Variants in DEPTOR observed in about 807,000 individuals in gnomAD.
The protein encoded by DEPTOR is DEP domain-containing mTOR-interacting protein.
In DEPTOR, 41 loss-of-function variants were observed where a neutral mutation model predicts 41.6. The observed-to-expected ratio is 0.98, with a 90% CI of 0.77 to 1.28. The LOEUF (loss-of-function observed/expected upper bound fraction) is 1.28. Ranked by LOEUF, DEPTOR falls within the 50% of genes most tolerant of loss-of-function variation. The pLI, the probability that DEPTOR is intolerant of heterozygous loss-of-function variation, is 0.00. For missense variants in DEPTOR, 514 were observed against 527.9 expected, an observed-to-expected ratio of 0.97 and a Z score of 0.26; for synonymous variants, 195 against 192.3, an observed-to-expected ratio of 1.01 and a Z score of -0.12.
At chr8:119,943,087 C>T (rs981151531) in intron 3 of DEPTOR, among the ~76,000 whole-genome samples, 2 of 152,196 alleles carry the variant, frequency 1.3e-5, no homozygotes, top group Non-Finnish European at 2.9e-5. Flanking sequence ...GCTGTGTCCC[C>T]AAGAGGCTGA....
intron 3 of DEPTOR, among the ~76,000 whole-genome samples, chr8:119,953,801 C>CTTTTTTTTTTTTTT (rs35043841): frequency 8.4e-6 from 1 of 119,678 alleles, no homozygotes. Flanking sequence ...CAGATAGCTT[C>CTTTTTTTTTTTTTT]TTTTTTTTTT....
At chr8:120,000,515 T>TTGCCCAG (rs1812330608) in intron 4 of DEPTOR, among the ~76,000 whole-genome samples, 1 of 152,014 alleles carries the variant, frequency 6.6e-6, no homozygotes, top group Admixed American at 6.5e-5. Context: ...CAGGCTGGAG[T>TTGCCCAG]GCAGTGGTGC....
At chr8:120,006,451 G>A (rs886578581) in intron 6 of DEPTOR, among the ~76,000 whole-genome samples, 1 of 151,830 alleles carries the variant, frequency 6.6e-6, no homozygotes. Context: ...TTGAACCCAG[G>A]AGGCGGAGGT....
rs144341045 is a variant in DEPTOR at position 119,891,999 on chromosome 8, T to C, written c.122+18031T>C. On this transcript the variant is annotated intron_variant, in intron 1 of 8. Coordinates refer to ENST00000286234, the MANE Select transcript of DEPTOR (RefSeq NM_022783.4). Reference sequence around the variant, plus strand: ...ACCTTTGTTTTTTTGTTTTTTGTTTTGTTTTGTTTTGTTTTTTGAGACAGA... The same window carrying C: ...ACCTTTGTTTTTTTGTTTTTTGTTTCGTTTTGTTTTGTTTTTTGAGACAGA... Among the ~76,000 whole-genome samples, 1,073 of 152,234 alleles carry C rather than the reference T, an allele frequency of 7.0e-3. 10 individuals carry two copies. Among genetic ancestry groups the C allele is most frequent in the Non-Finnish European group, 0.012 (809 of 68,014 alleles).
In DEPTOR at chr8:119,883,424, G is replaced by A. The variant is rs187317182; in HGVS notation, c.122+9456G>A. Among the ~76,000 whole-genome samples the A allele has an allele frequency of 1.1e-4, 16 of 144,878 alleles. No individual in the cohort carries two copies. In the East Asian group the frequency reaches 2.8e-3, roughly 26 times the overall value. ...CGGGAGGTGGAGGTTGCAGTTAGCC[G>A]AGATCGCGCCACTGCACTCCAGCCT... is the stretch of plus-strand genomic sequence containing the variant. On this transcript the variant is annotated intron_variant, in intron 1 of 8. Transcript: ENST00000286234.
At chr8:120,006,730 T>G in intron 6 of DEPTOR, 75 bp from the exon 7 acceptor site, 1 of 1,334,516 alleles carries the variant, frequency 7.5e-7, no homozygotes, top group Non-Finnish European at 1.1e-6. Flanking sequence ...CTACGAGATA[T>G]CAATAAATAG....
chr8:119,949,674 C>T lies in DEPTOR; in HGVS notation c.426-15558C>T, dbSNP rs895381495. Among the ~76,000 whole-genome samples, 5 of 151,780 alleles carry T rather than the reference C, an allele frequency of 3.3e-5. No homozygotes were observed. In the South Asian group the frequency reaches 6.2e-4, roughly 19 times the overall value. On this transcript the variant is annotated intron_variant, in intron 3 of 8. Coordinates refer to ENST00000286234, the MANE Select transcript of DEPTOR (RefSeq NM_022783.4). ...CTTTAGTTTATTCAGATCATTTGCCCGTTTTTATTTTTGTTTTTATTTTGA... is the reference window on the plus strand; with the variant it reads ...CTTTAGTTTATTCAGATCATTTGCCTGTTTTTATTTTTGTTTTTATTTTGA...
intron 8 of DEPTOR, among the ~76,000 whole-genome samples, chr8:120,026,568 C>T (rs1227161408): frequency 6.6e-6 from 1 of 152,004 alleles, no homozygotes; most frequent in Non-Finnish European, 1.5e-5. Context: ...GTGTCGAACT[C>T]CTGACCTCCG....
At chr8:119,902,716 A>G (rs1340113513) in intron 1 of DEPTOR, among the ~76,000 whole-genome samples, 1 of 152,172 alleles carries the variant, frequency 6.6e-6, no homozygotes, top group Non-Finnish European at 1.5e-5. Context: ...AGTAGTTTAT[A>G]GTGATGCTAA....
intron 3 of DEPTOR, among the ~76,000 whole-genome samples, chr8:119,963,517 T>A (rs1180682948): frequency 6.6e-6 from 1 of 151,924 alleles, no homozygotes; most frequent in Non-Finnish European, 1.5e-5. Context: ...TCTGGCTAAT[T>A]TTTTTGTATT....
chr8:119,885,553 G>C (rs1005490450), intron 1 of DEPTOR, among the ~76,000 whole-genome samples: 1 of 152,140 alleles, frequency 6.6e-6, no homozygotes, highest in Non-Finnish European at 1.5e-5. Context: ...AGCCTAGGTC[G>C]TCATGAGAGA....
chr8:120,002,477 T>A (rs1182902939), intron 5 of DEPTOR, among the ~76,000 whole-genome samples: 1 of 152,020 alleles, frequency 6.6e-6, no homozygotes, highest in African/African-American at 2.4e-5. Flanking sequence ...TATTCAGTTT[T>A]GTAAATCACA....
intron 6 of DEPTOR, 79 bp downstream of exon 6, chr8:120,003,190 C>G: frequency 1.3e-6 from 2 of 1,567,582 alleles, no homozygotes; most frequent in Non-Finnish European, 1.7e-6. Flanking sequence ...TCTGAGATAG[C>G]GGGAGACTAG....
chr8:119,884,626 G>T (rs4871770), intron 1 of DEPTOR, among the ~76,000 whole-genome samples: 1,936 of 151,088 alleles, frequency 0.013, 120 homozygotes, highest in Admixed American at 0.1. Context: ...AGGATCTTGA[G>T]TTAGTTTGCT....
chr8:119,874,389 C>T (rs1827206681), intron 1 of DEPTOR: 1 of 204,100 alleles, frequency 4.9e-6, no homozygotes, highest in Non-Finnish European at 9.8e-6. Flanking sequence ...CCCTCTACTC[C>T]TTGATAAAAG....
intron 3 of DEPTOR, among the ~76,000 whole-genome samples, chr8:119,950,601 T>G (rs114825517): frequency 0.016 from 2,383 of 151,948 alleles, 65 homozygotes; most frequent in African/African-American, 0.055. Flanking sequence ...TTTCTTCTTT[T>G]TCTTTTCTTT....
In DEPTOR at chr8:120,002,791, A is replaced by AAAAAT; in HGVS notation, c.791-185_791-184insAAATA. Among the ~76,000 whole-genome samples, 128 of 60,654 alleles carry AAAAAT rather than the reference A, an allele frequency of 2.1e-3. 2 individuals carry two copies. The highest frequency in any genetic ancestry group is 4.2e-3 in the African/African-American group (55 of 13,206). 39.8% of individuals were successfully genotyped at this position (60,654 alleles called of 152,430 possible). On this transcript the variant is annotated intron_variant, in intron 5 of 8. Transcript: ENST00000286234. Reference sequence around the variant, plus strand: ...GACTCCATCTCAAAAAAAAAAAAAAAATATATATATATATATATATAATAT... The same window carrying AAAAAT: ...GACTCCATCTCAAAAAAAAAAAAAAAAAAATATATATATATATATATATATAATAT...
intron 6 of DEPTOR, among the ~76,000 whole-genome samples, chr8:120,006,472 C>T (rs1438581538): frequency 6.6e-6 from 1 of 151,504 alleles, no homozygotes; most frequent in African/African-American, 2.4e-5. Context: ...TGCAGTGAGC[C>T]GAGATCGCAT....
chr8:119,912,682 C>T (rs1004462082), intron 1 of DEPTOR, among the ~76,000 whole-genome samples: 3 of 152,224 alleles, frequency 2.0e-5, no homozygotes, highest in Non-Finnish European at 4.4e-5. Context: ...AGTGTTTGTA[C>T]AGCATGCTTA....
Sources: allele counts gnomAD v4.1 joint callset (sites outside exome capture counted in the v4.1 genomes callset), GRCh38; gene constraint gnomAD v4.1.1; transcripts MANE v1.5; gene names NCBI Gene and HGNC (gene_info 2026-07-23, HGNC 2026-07-21).